Variants in NUMA1 observed in about 807,000 individuals in gnomAD.
The protein encoded by NUMA1 is SP-H antigen.
A neutral mutation model predicts 237.1 loss-of-function variants in NUMA1; 62 were observed. That is an observed-to-expected ratio of 0.26 (90% CI 0.21 to 0.32). NUMA1 has a LOEUF of 0.32. Among genes scored for constraint, NUMA1 ranks in the 10% least tolerant of loss-of-function variants. NUMA1 has a pLI of 1.00. For synonymous variants in NUMA1, 1,028 were observed against 1,066.1 expected, an observed-to-expected ratio of 0.96 and a Z score of 0.70; for missense variants, 2,533 against 2,666.5, an observed-to-expected ratio of 0.95 and a Z score of 1.10.
chr11:72,008,028 T>G (rs902134542), intron 20 of NUMA1: 8 of 451,706 alleles, frequency 1.8e-5, no homozygotes, highest in African/African-American at 1.6e-4. Flanking sequence ...CTGGGGAACC[T>G]TGGGCAAGTG....
intron 2 of NUMA1, chr11:72,039,895 T>A (rs1042197514): frequency 6.6e-6 from 1 of 150,610 alleles, no homozygotes; most frequent in African/African-American, 2.4e-5. Flanking sequence ...AGGAGGCACA[T>A]GCAAGCAAAC....
intron 1 of NUMA1, 121 bp downstream of exon 1, chr11:72,080,337 T>C (rs1944057662): frequency 1.5e-5 from 2 of 132,294 alleles, no homozygotes; most frequent in South Asian, 5.4e-4. Context: ...GATTCTGCCC[T>C]TTCGGACTCG....
At chr11:72,048,707 C>T (rs893316302) in intron 2 of NUMA1, among the ~76,000 whole-genome samples, 1 of 152,106 alleles carries the variant, frequency 6.6e-6, no homozygotes, top group Non-Finnish European at 1.5e-5. Flanking sequence ...AATCAAACAG[C>T]TCCAATTTCA....
chr11:72,004,183 C>T (rs745736988), intron 25 of NUMA1, 42 bp downstream of exon 25: 36 of 1,603,700 alleles, frequency 2.2e-5, no homozygotes, highest in Non-Finnish European at 3.0e-5. Flanking sequence ...CAGCAAGGTC[C>T]CGCCAGGGCG....
At chr11:72,012,692 G>A (rs1294435350) in intron 15 of NUMA1, among the ~76,000 whole-genome samples, 1 of 152,184 alleles carries the variant, frequency 6.6e-6, no homozygotes, top group Non-Finnish European at 1.5e-5. Context: ...CTTCAGGGGA[G>A]GGGAGGCCAC....
intron 2 of NUMA1, among the ~76,000 whole-genome samples, chr11:72,049,805 A>G (rs1028046517): frequency 3.3e-5 from 5 of 150,988 alleles, no homozygotes; most frequent in African/African-American, 4.9e-5. Flanking sequence ...CCTGGGCAAC[A>G]GAGTGAGACC....
chr11:72,010,067 C>T (rs1181367268), intron 17 of NUMA1, among the ~76,000 whole-genome samples: 2 of 152,200 alleles, frequency 1.3e-5, no homozygotes, highest in African/African-American at 4.8e-5. Flanking sequence ...TAACATAGGA[C>T]AGGCCCCACA....
At chr11:72,061,835 A>G (rs1051592490) in intron 2 of NUMA1, among the ~76,000 whole-genome samples, 12 of 152,042 alleles carry the variant, frequency 7.9e-5, no homozygotes, top group African/African-American at 2.9e-4. Context: ...TGATTTTGAC[A>G]ATGTAGTTCC....
In NUMA1 at chr11:72,056,635, TA is replaced by T. The variant is rs59248999; in HGVS notation, c.-33+13206del. On this transcript the variant is annotated intron_variant, in intron 2 of 26. Transcript: ENST00000393695. ...GCGCCTGACCAAGATCCCATCTCTT[TA>T]AAAAAAAAAAAAAAAAAAAAAAAAG... Among the ~76,000 whole-genome samples the T allele has an allele frequency of 3.8e-4, 29 of 75,996 alleles. No individual in the cohort carries two copies. In the East Asian group the frequency reaches 6.0e-3, roughly 16 times the overall value. The allele number at this position is 75,996 out of a possible 152,430, so 49.9% of individuals were successfully genotyped here.
chr11:72,058,765 T>A (rs1942795332), intron 2 of NUMA1, among the ~76,000 whole-genome samples: 1 of 152,150 alleles, frequency 6.6e-6, no homozygotes, highest in African/African-American at 2.4e-5. Flanking sequence ...AAATTGGAAA[T>A]GGCCTGTCTT....
intron 3 of NUMA1, among the ~76,000 whole-genome samples, chr11:72,032,007 T>C: frequency 7.2e-6 from 1 of 138,808 alleles, no homozygotes; most frequent in South Asian, 2.3e-4. Flanking sequence ...AAAGGAAAAA[T>C]AGCCCAGCAT....
intron 9 of NUMA1, 34 bp from the exon 10 acceptor site, chr11:72,019,014 G>T (rs1233139300): frequency 2.5e-6 from 4 of 1,610,462 alleles, no homozygotes; most frequent in Non-Finnish European, 3.4e-6. Context: ...GCATTGGTAA[G>T]CGCCTAAGAT....
rs759157202 is a variant in NUMA1 at position 72,008,955 on chromosome 11, C to CCAAATT, written c.5058+6_5058+11dup. The CCAAATT allele has an allele frequency of 1.2e-6, 2 of 1,613,762 alleles. No homozygotes were observed. Among genetic ancestry groups the CCAAATT allele is most frequent in the South Asian group, 2.2e-5 (2 of 91,072 alleles). ...AATAGGAGTGAGGTGAGTCTGCCAG[C>CCAAATT]CAAATTCTTACCTGTGCCTCCAGGC... On this transcript the variant is annotated intron_variant, in intron 19 of 26. Coordinates refer to ENST00000393695, the MANE Select transcript of NUMA1 (RefSeq NM_006185.4).
rs5743684 is a variant in NUMA1, at chr11:72,003,935, G to A, written c.6288C>T (p.Ser2096=). ...CACCAATGGCGGCAGCAGTGGCGGC[G>A]CTGGCTGTGGTGGTGGCAATGCGCG... ...RSPRIATTTA[S]AATAAAIGAT... Residue 2096 remains serine (S), a synonymous_variant, in exon 26 of 27, where the codon AGC becomes AGT. Coordinates refer to ENST00000393695, the MANE Select transcript of NUMA1 (RefSeq NM_006185.4). The A allele has an allele frequency of 5.8e-3, 9,379 of 1,613,288 alleles. 307 individuals are homozygous for A. In the African/African-American group the frequency reaches 0.083, roughly 14 times the overall value.
intron 2 of NUMA1, among the ~76,000 whole-genome samples, chr11:72,055,787 C>T (rs1238872538): frequency 1.3e-5 from 2 of 151,244 alleles, no homozygotes; most frequent in African/African-American, 4.9e-5. Flanking sequence ...CAAGACCAGC[C>T]TGGGTGACAA....
At chr11:72,050,011 C>T (rs1591041461) in intron 2 of NUMA1, among the ~76,000 whole-genome samples, 2 of 152,030 alleles carry the variant, frequency 1.3e-5, no homozygotes, top group Admixed American at 1.3e-4. Context: ...TGTGTGTTAC[C>T]CTATTAGGAC....
At chr11:72,067,495 A>G (rs1591078300) in intron 2 of NUMA1, 1 of 152,240 alleles carries the variant, frequency 6.6e-6, no homozygotes, top group Non-Finnish European at 1.5e-5. Flanking sequence ...CTCAGGACCA[A>G]CATGTCCTGT....
At chr11:72,079,828 T>C (rs977748480) in intron 1 of NUMA1, among the ~76,000 whole-genome samples, 2 of 150,430 alleles carry the variant, frequency 1.3e-5, no homozygotes, top group African/African-American at 4.9e-5. Flanking sequence ...GGTAAGGTCA[T>C]TGTTTACATA....
At chr11:72,071,335 C>T (rs1252113173) in intron 1 of NUMA1, among the ~76,000 whole-genome samples, 1 of 152,130 alleles carries the variant, frequency 6.6e-6, no homozygotes, top group Non-Finnish European at 1.5e-5. Context: ...TTAGTGTCAG[C>T]CTCATCAATC....
Sources: gnomAD v4.1 joint callset for allele counts (sites outside exome capture counted in the v4.1 genomes callset) on GRCh38, gnomAD v4.1.1 for gene constraint, MANE v1.5 for transcripts, NCBI Gene and HGNC (gene_info 2026-07-23, HGNC 2026-07-21) for gene names.